Variants in NSMAF observed in about 807,000 individuals in gnomAD.
NSMAF encodes protein FAN.
In NSMAF, 90 loss-of-function variants were observed where a neutral mutation model predicts 134.9. The ratio of observed to expected loss-of-function variants is 0.67; its 90% CI spans 0.56 to 0.79. The LOEUF (loss-of-function observed/expected upper bound fraction) is 0.79, where lower values mean the gene tolerates loss of function less well. Ranked by LOEUF, NSMAF falls within the 30% of genes least tolerant of loss-of-function variation. The pLI, the probability that NSMAF is intolerant of heterozygous loss-of-function variation, is 0.00. For synonymous variants in NSMAF, 358 were observed against 389.6 expected (o/e 0.92, Z 0.96); for missense variants, 1,010 against 1,119.0 (o/e 0.90, Z 1.39).
chr8:58,603,343 C>CTGCAGCA lies in NSMAF; in HGVS notation c.905_911dup (p.Gln304HisfsTer41). 1 of 1,614,136 alleles carries CTGCAGCA rather than the reference C, an allele frequency of 6.2e-7. No individual in the cohort carries two copies. The highest frequency in any genetic ancestry group is 8.5e-7 in the Non-Finnish European group (1 of 1,180,032). On this transcript the variant is annotated frameshift_variant, in exon 13 of 31. Transcript: ENST00000038176. LOFTEE classifies it high-confidence loss of function. ...AGTTGGAAAGGTGTCCACGCTGCCACTGCAGCATGTAGCTCTCAGCAGTGT... is the reference window on the plus strand; with the variant it reads ...AGTTGGAAAGGTGTCCACGCTGCCACTGCAGCATGCAGCATGTAGCTCTCAGCAGTGT...
intron 9 of NSMAF, among the ~76,000 whole-genome samples, chr8:58,613,804 T>A (rs1806589131): frequency 6.6e-6 from 1 of 152,218 alleles, no homozygotes; most frequent in Non-Finnish European, 1.5e-5. Context: ...GGATTTTGGA[T>A]TTTTGAATGT....
In NSMAF at chr8:58,597,840, C is replaced by G. The variant is rs181721905; in HGVS notation, c.1628+20G>C. On this transcript the variant is annotated intron_variant, in intron 20 of 30. Coordinates refer to ENST00000038176, the MANE Select transcript of NSMAF (RefSeq NM_003580.4). The stretch of plus-strand genomic sequence containing the variant: ...ATATCTTATAACTCAAGTAGAAACT[C>G]CTTATTGACATATAAGTACCTGTTC... The G allele has an allele frequency of 6.5e-7, 1 of 1,527,298 alleles. No homozygotes were observed. Among genetic ancestry groups the G allele is most frequent in the Non-Finnish European group, 9.1e-7 (1 of 1,104,184 alleles). 94.6% of individuals were successfully genotyped at this position (1,527,298 alleles called of 1,614,324 possible).
At chr8:58,597,662 G>T in intron 20 of NSMAF, 112 bp from the exon 21 acceptor site, 1 of 1,071,294 alleles carries the variant, frequency 9.3e-7, no homozygotes, top group South Asian at 1.5e-5. Flanking sequence ...AATAATGACA[G>T]CAACTATGTA....
intron 9 of NSMAF, among the ~76,000 whole-genome samples, chr8:58,619,717 A>G (rs1276141228): frequency 6.6e-6 from 1 of 152,196 alleles, no homozygotes; most frequent in African/African-American, 2.4e-5. Context: ...CTAGGAATAA[A>G]TAACATAAGA....
intron 1 of NSMAF, among the ~76,000 whole-genome samples, chr8:58,652,537 CCA>C: frequency 6.6e-6 from 1 of 152,310 alleles, no homozygotes; most frequent in African/African-American, 2.4e-5. Flanking sequence ...AGCCAAGGTT[CCA>C]TCACAGTATG....
At chr8:58,591,733 C>A (rs891395533) in intron 23 of NSMAF, among the ~76,000 whole-genome samples, 1 of 151,964 alleles carries the variant, frequency 6.6e-6, no homozygotes, top group African/African-American at 2.4e-5. Flanking sequence ...GTGATCCGCC[C>A]CCTTCGGCCT....
At chr8:58,614,822 C>T (rs929997788) in intron 9 of NSMAF, among the ~76,000 whole-genome samples, 11 of 152,042 alleles carry the variant, frequency 7.2e-5, no homozygotes, top group African/African-American at 2.7e-4. Context: ...GCATGACTAT[C>T]CTAAGATACT....
intron 1 of NSMAF, among the ~76,000 whole-genome samples, chr8:58,645,727 C>T (rs1039396726): frequency 1.3e-4 from 20 of 152,086 alleles, no homozygotes; most frequent in Admixed American, 6.5e-4. Flanking sequence ...ATTCATAACA[C>T]CAGAAGAGAT....
chr8:58,584,836 G>C (rs570279613), intron 30 of NSMAF, among the ~76,000 whole-genome samples: 2 of 152,070 alleles, frequency 1.3e-5, no homozygotes, highest in Non-Finnish European at 2.9e-5. Flanking sequence ...ATGAGGTTTC[G>C]CTATGTTGCC....
chr8:58,638,766 C>A (rs933300597), intron 2 of NSMAF, among the ~76,000 whole-genome samples: 1 of 152,052 alleles, frequency 6.6e-6, no homozygotes, highest in Non-Finnish European at 1.5e-5. Flanking sequence ...CAAAAATAGA[C>A]AAATGGGATT....
At chr8:58,608,465 G>A (rs1806456895) in intron 10 of NSMAF, among the ~76,000 whole-genome samples, 1 of 152,164 alleles carries the variant, frequency 6.6e-6, no homozygotes, top group Non-Finnish European at 1.5e-5. Flanking sequence ...CTCCTCCCAA[G>A]TAGGAGGGAA....
chr8:58,599,078 G>A (rs1806212065), intron 19 of NSMAF, among the ~76,000 whole-genome samples, 154 bp downstream of exon 19: 1 of 152,150 alleles, frequency 6.6e-6, no homozygotes, highest in South Asian at 2.1e-4. Flanking sequence ...AGTGGACGCT[G>A]GAGTCTGACA....
intron 19 of NSMAF, among the ~76,000 whole-genome samples, chr8:58,598,945 G>A (rs1806208051): frequency 1.3e-5 from 2 of 152,114 alleles, no homozygotes; most frequent in African/African-American, 2.4e-5. Context: ...AGAATCACTC[G>A]AACCAGGGAG....
intron 1 of NSMAF, among the ~76,000 whole-genome samples, chr8:58,647,521 G>T (rs1807486245): frequency 6.6e-6 from 1 of 152,118 alleles, no homozygotes; most frequent in Non-Finnish European, 1.5e-5. Context: ...TGGAGGCCCG[G>T]TAGGAGGTGA....
At chr8:58,625,238 G>A (rs981331439) in intron 6 of NSMAF, among the ~76,000 whole-genome samples, 5 of 152,076 alleles carry the variant, frequency 3.3e-5, no homozygotes, top group Non-Finnish European at 5.9e-5. Context: ...CAGACTAAAC[G>A]CTATACCATT....
chr8:58,642,351 A>G (rs984732702), intron 2 of NSMAF, among the ~76,000 whole-genome samples: 3 of 152,340 alleles, frequency 2.0e-5, no homozygotes, highest in East Asian at 3.9e-4. Flanking sequence ...TTTTAAGCAA[A>G]CAAAAAGCTT....
chr8:58,586,041 A>G, intron 28 of NSMAF, 41 bp from the exon 29 acceptor site: 1 of 1,462,410 alleles, frequency 6.8e-7, no homozygotes. Flanking sequence ...TGACAGCTTC[A>G]GAATGTGGTT....
At chr8:58,625,424 G>A (rs976771983) in intron 6 of NSMAF, among the ~76,000 whole-genome samples, 1 of 98,052 alleles carries the variant, frequency 1.0e-5, no homozygotes, top group Non-Finnish European at 2.4e-5. Flanking sequence ...GTATATATAT[G>A]TGTGAATGTA....
chr8:58,593,891 T>G (rs575961310), intron 23 of NSMAF, among the ~76,000 whole-genome samples: 1 of 152,224 alleles, frequency 6.6e-6, no homozygotes, highest in East Asian at 1.9e-4. Context: ...CATCAATTTC[T>G]GATACAGCAC....
Sources: allele counts gnomAD v4.1 joint callset (sites outside exome capture counted in the v4.1 genomes callset), GRCh38; gene constraint gnomAD v4.1.1; transcripts MANE v1.5; gene names NCBI Gene and HGNC (gene_info 2026-07-23, HGNC 2026-07-21).